The following PPP1R1C variants were observed in gnomAD, a reference collection of about 807,000 sequenced individuals.
PPP1R1C encodes the protein protein phosphatase 1 regulatory inhibitor subunit 1C.
A neutral mutation model predicts 17.4 loss-of-function variants in PPP1R1C; 15 were observed. That is an observed-to-expected ratio of 0.86 (90% CI 0.58 to 1.33). The LOEUF (loss-of-function observed/expected upper bound fraction) is 1.33, where lower values mean the gene tolerates loss of function less well. PPP1R1C is among the 40% of genes most tolerant of loss of function. PPP1R1C has a pLI of 0.00. For synonymous variants in PPP1R1C, 35 were observed against 43.1 expected, an observed-to-expected ratio of 0.81 and a Z score of 0.73; for missense variants, 143 against 130.0, an observed-to-expected ratio of 1.10 and a Z score of -0.48.
intron 4 of PPP1R1C, among the ~76,000 whole-genome samples, chr2:182,079,096 G>GT (rs1309457518): frequency 2.1e-4 from 32 of 152,286 alleles, no homozygotes; most frequent in African/African-American, 7.2e-4. Flanking sequence ...CTACAGAATT[G>GT]TAGGTTCCAG....
chr2:181,987,797 T>C, intron 1 of PPP1R1C, 42 bp from the exon 2 acceptor site: 1 of 1,591,230 alleles, frequency 6.3e-7, no homozygotes, highest in Non-Finnish European at 8.6e-7. Flanking sequence ...TGGAGCAGTG[T>C]CTAATACTCA....
intron 2 of PPP1R1C, among the ~76,000 whole-genome samples, chr2:182,027,789 C>G (rs1453178833): frequency 6.7e-6 from 1 of 149,880 alleles, no homozygotes; most frequent in Non-Finnish European, 1.5e-5. Flanking sequence ...AGGAATGGTA[C>G]CAGTTCCTCC....
Position 182,063,754 on chromosome 2 carries a change from A to G in PPP1R1C, c.204A>G (p.Gln68=). Residue 68 remains glutamine, a synonymous_variant, in exon 4 of 5, where the codon CAA becomes CAG. Transcript: ENST00000682840. ...AGTTACAGAATGCATCCCCTAAGCA[A>G]AGGAAGCAGAGTGTGTACACACCAC... ...QGELQNASPK[Q]RKQSVYTPPT... The G allele has an allele frequency of 6.2e-7, 1 of 1,612,926 alleles. No homozygotes were observed. The highest frequency in any genetic ancestry group is 8.5e-7 in the Non-Finnish European group (1 of 1,179,160).
intron 4 of PPP1R1C, among the ~76,000 whole-genome samples, chr2:182,107,088 T>G (rs1161149190): frequency 6.6e-6 from 1 of 152,210 alleles, no homozygotes; most frequent in African/African-American, 2.4e-5. Context: ...TTCAACATCT[T>G]TTTGGGGCAC....
intron 2 of PPP1R1C, among the ~76,000 whole-genome samples, chr2:182,005,442 G>A (rs1395484587): frequency 6.6e-6 from 1 of 152,136 alleles, no homozygotes; most frequent in Non-Finnish European, 1.5e-5. Flanking sequence ...CATATTCAAA[G>A]TCTAATGGGA....
At chr2:182,017,594 T>C (rs1184850379) in intron 2 of PPP1R1C, among the ~76,000 whole-genome samples, 4 of 152,140 alleles carry the variant, frequency 2.6e-5, no homozygotes, top group South Asian at 2.1e-4. Context: ...TTTTCACTTA[T>C]TTAATCAATT....
intron 2 of PPP1R1C, among the ~76,000 whole-genome samples, chr2:182,028,960 T>G (rs1454681133): frequency 7.5e-6 from 1 of 133,088 alleles, no homozygotes; most frequent in Admixed American, 7.6e-5. Context: ...CCTTTACCAT[T>G]ATGTAATGGC....
chr2:182,017,637 G>A (rs182163230), intron 2 of PPP1R1C, among the ~76,000 whole-genome samples: 1 of 152,160 alleles, frequency 6.6e-6, no homozygotes, highest in Admixed American at 6.5e-5. Context: ...CATGTTCTAG[G>A]TACTGTAGAT....
intron 2 of PPP1R1C, among the ~76,000 whole-genome samples, chr2:181,978,711 A>C (rs1189038964): frequency 6.6e-6 from 1 of 152,094 alleles, no homozygotes; most frequent in African/African-American, 2.4e-5. Context: ...GTCAGGAAGC[A>C]TCACCTTCTC....
chr2:182,025,103 C>G (rs1413682874), intron 2 of PPP1R1C, among the ~76,000 whole-genome samples: 4 of 149,998 alleles, frequency 2.7e-5, no homozygotes, highest in Admixed American at 2.7e-4. Context: ...GTTCTATACT[C>G]TTTATAAGGC....
Position 181,961,713 on chromosome 2 carries a change from A to G in PPP1R1C, n.111+7079A>G. 1 of 818,082 alleles carries G rather than the reference A, an allele frequency of 1.2e-6. No individual in the cohort carries two copies. Among genetic ancestry groups the G allele is most frequent in the Non-Finnish European group, 2.1e-6 (1 of 470,784 alleles). The allele number at this position is 818,082 out of a possible 1,614,324, so 50.7% of individuals were successfully genotyped here. On this transcript the variant is annotated intron_variant and non_coding_transcript_variant, in intron 1 of 5. Coordinates refer to the PPP1R1C transcript ENST00000464264. This position sits in a 1 kb window ranked among gnomAD's most constrained non-coding sequence, Gnocchi z 5.8. Reference sequence around the variant, plus strand: ...CTCAGTTCTTTCGAGTCAGCTCATCATATTGGGCCCGGATATCTGCTATGA... The same window carrying G: ...CTCAGTTCTTTCGAGTCAGCTCATCGTATTGGGCCCGGATATCTGCTATGA...
At chr2:181,982,744 T>C (rs894594224), upstream of PPP1R1C, among the ~76,000 whole-genome samples, 1 of 152,122 alleles carries the variant, frequency 6.6e-6, no homozygotes, top group East Asian at 1.9e-4. Context: ...TGCGGCAGCC[T>C]GTAGGAGGGT....
chr2:181,959,662 A>G lies in PPP1R1C; in HGVS notation n.111+5028A>G, dbSNP rs144189752. ...TTTAGTGTCAGCTGAAAAAAAAGCC[A>G]CATTTTAGGTGTATGAGACTATTTT... On this transcript the variant is annotated intron_variant and non_coding_transcript_variant, in intron 1 of 5. Coordinates refer to the PPP1R1C transcript ENST00000464264. 7.1e-4 allele frequency among the ~76,000 whole-genome samples: 108 copies of G among 152,304 alleles called. 1 individual carries two copies. The highest frequency in any genetic ancestry group is 2.6e-3 in the Admixed American group (40 of 15,298).
intron 1 of PPP1R1C, among the ~76,000 whole-genome samples, chr2:181,965,091 ATCT>A (rs138080978): frequency 0.032 from 4,872 of 152,262 alleles, 238 homozygotes; most frequent in African/African-American, 0.11. Flanking sequence ...CCATTTATAT[ATCT>A]TCTTTTGATA....
At chr2:182,115,056 T>A (rs531780259) in intron 4 of PPP1R1C, among the ~76,000 whole-genome samples, 1 of 152,254 alleles carries the variant, frequency 6.6e-6, no homozygotes, top group South Asian at 2.1e-4. Flanking sequence ...AAACACAGAT[T>A]TATTACTCTT....
chr2:182,098,552 T>A (rs1301158476), intron 4 of PPP1R1C, among the ~76,000 whole-genome samples: 2 of 152,096 alleles, frequency 1.3e-5, no homozygotes, highest in African/African-American at 4.8e-5. Context: ...TTGAAAAAAA[T>A]GAAAAATGTG....
At chr2:182,043,035 T>A (rs1239615813) in intron 2 of PPP1R1C, among the ~76,000 whole-genome samples, 1 of 152,192 alleles carries the variant, frequency 6.6e-6, no homozygotes, top group Non-Finnish European at 1.5e-5. Flanking sequence ...CTGCAAACAA[T>A]GAGCCACCAG....
intron 2 of PPP1R1C, among the ~76,000 whole-genome samples, chr2:182,046,207 G>A (rs1687343060): frequency 1.3e-5 from 2 of 150,822 alleles, no homozygotes; most frequent in Non-Finnish European, 2.9e-5. Context: ...CAAAGTACCA[G>A]TGTGAATACA....
At chr2:181,969,384 AT>A (rs891371209) in intron 1 of PPP1R1C, among the ~76,000 whole-genome samples, 5 of 152,008 alleles carry the variant, frequency 3.3e-5, no homozygotes, top group South Asian at 4.2e-4. Flanking sequence ...TAAGATACAT[AT>A]TTTTTTCTTT....
Sources: allele counts gnomAD v4.1 joint callset (sites outside exome capture counted in the v4.1 genomes callset), GRCh38; gene constraint gnomAD v4.1.1; non-coding constraint Gnocchi (gnomAD v3.1); transcripts MANE v1.5; gene names NCBI Gene and HGNC (gene_info 2026-07-23, HGNC 2026-07-21).